The following ESRRG variants were observed in gnomAD, a reference collection of about 807,000 sequenced individuals.
ESRRG encodes the protein estrogen-related receptor gamma.
Under a neutral mutation model 44.0 loss-of-function variants are expected in ESRRG, and 13 were observed. The observed-to-expected ratio is 0.30, with a 90% CI of 0.19 to 0.47. The LOEUF (loss-of-function observed/expected upper bound fraction) is 0.47, where lower values mean the gene tolerates loss of function less well. ESRRG is among the 20% of genes least tolerant of loss of function. The probability of loss-of-function intolerance (pLI) is 1.00; values close to 1 mark genes in which losing one functional copy is unlikely to be tolerated. For missense variants in ESRRG, 395 were observed against 580.6 expected, an observed-to-expected ratio of 0.68 and a Z score of 3.29; for synonymous variants, 215 against 214.6, an observed-to-expected ratio of 1.00 and a Z score of -0.02.
intron 2 of ESRRG, among the ~76,000 whole-genome samples, chr1:216,805,911 A>G (rs1253563037): frequency 6.6e-6 from 1 of 152,132 alleles, no homozygotes; most frequent in African/African-American, 2.4e-5. Flanking sequence ...GAAGGAGAGA[A>G]GATGACTAGA....
intron 2 of ESRRG, among the ~76,000 whole-genome samples, chr1:216,775,426 C>T (rs2093565985): frequency 6.6e-6 from 1 of 151,964 alleles, no homozygotes; most frequent in South Asian, 2.1e-4. Context: ...CCTCAAAAGT[C>T]ATCATCTCCT....
At chr1:216,534,549 G>T (rs1407778170) in intron 5 of ESRRG, among the ~76,000 whole-genome samples, 1 of 152,086 alleles carries the variant, frequency 6.6e-6, no homozygotes, top group Non-Finnish European at 1.5e-5. Flanking sequence ...TGAAATGTAG[G>T]CAGGGAAAAT....
chr1:217,033,724 T>C (rs1289654154), intron 1 of ESRRG, among the ~76,000 whole-genome samples: 1 of 152,188 alleles, frequency 6.6e-6, no homozygotes, highest in African/African-American at 2.4e-5. Context: ...TAGTTACCAG[T>C]TAGCTTAATT....
intron 2 of ESRRG, among the ~76,000 whole-genome samples, chr1:216,897,365 G>A (rs2149453595): frequency 6.6e-6 from 1 of 152,282 alleles, no homozygotes; most frequent in African/African-American, 2.4e-5. Context: ...AAGATTCAGA[G>A]TCCTGAGCCA....
intron 6 of ESRRG, among the ~76,000 whole-genome samples, chr1:216,510,765 G>A (rs11117605): frequency 0.022 from 3,295 of 152,106 alleles, 99 homozygotes; most frequent in African/African-American, 0.067. Flanking sequence ...GGCGCCTGCA[G>A]TCCCAGCTAC....
intron 6 of ESRRG, among the ~76,000 whole-genome samples, chr1:216,508,765 C>T (rs1448092180): frequency 1.3e-5 from 2 of 152,154 alleles, no homozygotes; most frequent in African/African-American, 2.4e-5. Flanking sequence ...TTCTTTCTCT[C>T]TATTTTTGCA....
intron 1 of ESRRG, among the ~76,000 whole-genome samples, chr1:217,115,771 T>G (rs2092717391): frequency 6.6e-6 from 1 of 152,140 alleles, no homozygotes; most frequent in Non-Finnish European, 1.5e-5. Context: ...TTTCATTATC[T>G]GAGGATATAT....
intron 3 of ESRRG, among the ~76,000 whole-genome samples, chr1:216,643,652 G>C (rs1391512): frequency 0.82 from 124,633 of 152,054 alleles, 51,329 homozygotes; most frequent in African/African-American, 0.87. Context: ...AATACTCTAG[G>C]CTGCTCAGTT....
intron 1 of ESRRG, among the ~76,000 whole-genome samples, chr1:217,117,188 T>C (rs755784071): frequency 1.3e-5 from 2 of 152,216 alleles, no homozygotes; most frequent in African/African-American, 2.4e-5. Flanking sequence ...CCACATCCCT[T>C]CTCTAAGCCC....
At chr1:217,135,900 C>T (rs1432508251) in intron 1 of ESRRG, among the ~76,000 whole-genome samples, 2 of 152,210 alleles carry the variant, frequency 1.3e-5, no homozygotes, top group Non-Finnish European at 2.9e-5. Flanking sequence ...AGCAGGCGTG[C>T]ATTTTGCTCA....
At chr1:217,033,989 T>C (rs6694626) in intron 1 of ESRRG, among the ~76,000 whole-genome samples, 90,546 of 152,000 alleles carry the variant, frequency 0.6, 27,041 homozygotes, top group East Asian at 0.71. Flanking sequence ...TGAAACACTG[T>C]GCTTATCTGA....
rs530292972 is a variant in ESRRG, at chr1:216,847,854, C to T, written c.-14+91728G>A. On this transcript the variant is annotated intron_variant, in intron 2 of 7. Transcript: ENST00000359162. Reference sequence around the variant, plus strand: ...GGCGGTGGCTATGCCCTCTAACTCTCTAGTGTACAATAATATGTTCAGGGA... The same window carrying T: ...GGCGGTGGCTATGCCCTCTAACTCTTTAGTGTACAATAATATGTTCAGGGA... 3.2e-4 allele frequency among the ~76,000 whole-genome samples: 48 copies of T among 152,202 alleles called. No homozygotes were observed. The Middle Eastern group carries it at 0.01, about 32-fold the overall frequency.
chr1:216,926,412 G>GAAAAAA (rs35546963), intron 2 of ESRRG, among the ~76,000 whole-genome samples: 1 of 127,890 alleles, frequency 7.8e-6, no homozygotes, highest in Non-Finnish European at 1.7e-5. Flanking sequence ...TAACACCTAT[G>GAAAAAA]AAAAAAAAAA....
At chr1:216,759,173 C>T (rs1482044267) in intron 2 of ESRRG, among the ~76,000 whole-genome samples, 1 of 152,058 alleles carries the variant, frequency 6.6e-6, no homozygotes, top group African/African-American at 2.4e-5. Flanking sequence ...AGTTTTTGTA[C>T]CTCTGCCAGA....
At chr1:216,515,332 A>T (rs1421623291) in intron 6 of ESRRG, among the ~76,000 whole-genome samples, 1 of 152,036 alleles carries the variant, frequency 6.6e-6, no homozygotes, top group East Asian at 1.9e-4. Context: ...TTACTATTTC[A>T]TCGGGGGGTT....
chr1:217,035,184 A>G (rs1451771731), intron 1 of ESRRG, among the ~76,000 whole-genome samples: 1 of 151,972 alleles, frequency 6.6e-6, no homozygotes, highest in East Asian at 1.9e-4. Context: ...TAAACAGATG[A>G]TGTATAAAAA....
chr1:216,723,222 A>G (rs2086741406), intron 1 of ESRRG, 22 bp downstream of exon 1: 1 of 1,609,892 alleles, frequency 6.2e-7, no homozygotes, highest in Non-Finnish European at 8.5e-7. Flanking sequence ...GAGTTTAAAA[A>G]GGAAAGAAAA....
chr1:216,992,915 CAA>C (rs1385713042), intron 1 of ESRRG, among the ~76,000 whole-genome samples: 1 of 152,186 alleles, frequency 6.6e-6, no homozygotes, highest in Non-Finnish European at 1.5e-5. Flanking sequence ...CCTCCCACAT[CAA>C]AGAGGCTTCC....
intron 2 of ESRRG, among the ~76,000 whole-genome samples, chr1:216,905,459 G>T (rs533612379): frequency 1.3e-5 from 2 of 152,214 alleles, no homozygotes; most frequent in Admixed American, 1.3e-4. Flanking sequence ...ACCCCTTAAA[G>T]TTCAACCCTC....
Sources: gnomAD v4.1 joint callset for allele counts (sites outside exome capture counted in the v4.1 genomes callset) on GRCh38, gnomAD v4.1.1 for gene constraint, MANE v1.5 for transcripts, NCBI Gene and HGNC (gene_info 2026-07-23, HGNC 2026-07-21) for gene names.